The following SUGCT variants were observed in gnomAD, a reference collection of about 807,000 sequenced individuals.
The protein encoded by SUGCT is succinyl-CoA:glutarate CoA-transferase.
A neutral mutation model predicts 55.0 loss-of-function variants in SUGCT; 41 were observed. The ratio of observed to expected loss-of-function variants is 0.74; its 90% CI spans 0.58 to 0.97. SUGCT has a LOEUF of 0.97. Ranked by LOEUF, SUGCT falls within the 50% of genes least tolerant of loss-of-function variation. SUGCT has a pLI of 0.00. For missense variants in SUGCT, 568 were observed against 547.8 expected (o/e 1.04, Z -0.37); for synonymous variants, 187 against 200.4 (o/e 0.93, Z 0.56).
intron 9 of SUGCT, among the ~76,000 whole-genome samples, chr7:40,417,290 G>C (rs558923982): frequency 2.0e-4 from 31 of 151,784 alleles, no homozygotes; most frequent in African/African-American, 7.5e-4. Context: ...TTTTAAAAAT[G>C]TTTACTTGGT....
the SUGCT span, among the ~76,000 whole-genome samples, chr7:40,903,799 A>C: frequency 6.6e-6 from 1 of 152,110 alleles, no homozygotes; most frequent in South Asian, 2.1e-4. Flanking sequence ...ACCAAAAAGA[A>C]AGATTGCTAT....
At chr7:40,591,424 T>C (rs1797711285) in intron 12 of SUGCT, among the ~76,000 whole-genome samples, 1 of 152,180 alleles carries the variant, frequency 6.6e-6, no homozygotes, top group South Asian at 2.1e-4. Flanking sequence ...AAGCAATTTA[T>C]TGAGATGGAA....
intron 9 of SUGCT, among the ~76,000 whole-genome samples, chr7:40,439,669 T>G (rs1411749045): frequency 2.0e-5 from 3 of 152,156 alleles, no homozygotes; most frequent in African/African-American, 7.2e-5. Context: ...TTCTCATAAC[T>G]CCCCAATCTT....
chr7:40,259,784 G>T (rs1456469212), intron 7 of SUGCT, among the ~76,000 whole-genome samples: 1 of 152,016 alleles, frequency 6.6e-6, no homozygotes, highest in Admixed American at 6.5e-5. Context: ...TTCTCTAATT[G>T]CATCTTTTGT....
chr7:40,202,613 G>A (rs958613613), intron 6 of SUGCT, among the ~76,000 whole-genome samples: 3 of 152,146 alleles, frequency 2.0e-5, no homozygotes, highest in African/African-American at 7.2e-5. Context: ...GGTGCAATAA[G>A]GGTATGACTT....
chr7:40,544,234 T>C (rs1794866641), intron 12 of SUGCT, among the ~76,000 whole-genome samples: 1 of 151,920 alleles, frequency 6.6e-6, no homozygotes. Context: ...AGGAGATACT[T>C]CCTTTTTCCT....
At chr7:40,272,664 AT>A (rs1187514804) in intron 7 of SUGCT, among the ~76,000 whole-genome samples, 33 of 133,504 alleles carry the variant, frequency 2.5e-4, no homozygotes, top group Admixed American at 3.2e-4. Flanking sequence ...TATTATTATT[AT>A]TTTTTTTTTT....
Position 40,361,532 on chromosome 7 carries a change from C to T in SUGCT, c.816+44677C>T, listed in dbSNP as rs201242093. On this transcript the variant is annotated intron_variant, in intron 9 of 13. Transcript: ENST00000335693. ...GAGCTTGCAGTGAACTGAGATTGTG[C>T]CACTGCACTCCAGCCTGGGCGACAC... Among the ~76,000 whole-genome samples, 3 of 151,602 alleles carry T rather than the reference C, an allele frequency of 2.0e-5. No homozygotes were observed. In the East Asian group the frequency reaches 5.8e-4, roughly 29 times the overall value.
chr7:40,994,407 C>T, the SUGCT span, among the ~76,000 whole-genome samples: 2 of 130,016 alleles, frequency 1.5e-5, no homozygotes. Flanking sequence ...GTCACCCCCC[C>T]ATTTTGGAAG....
chr7:40,624,404 T>A (rs1799418389), intron 12 of SUGCT, among the ~76,000 whole-genome samples: 1 of 152,264 alleles, frequency 6.6e-6, no homozygotes, highest in African/African-American at 2.4e-5. Context: ...TAGTCCTTTT[T>A]ACAGTACTTA....
At chr7:40,247,978 G>T (rs1790018431) in intron 7 of SUGCT, among the ~76,000 whole-genome samples, 1 of 150,246 alleles carries the variant, frequency 6.7e-6, no homozygotes, top group East Asian at 1.9e-4. Context: ...CTTCTAGAAG[G>T]TTTATAGTTG....
chr7:40,616,143 T>C (rs1798991835), intron 12 of SUGCT, among the ~76,000 whole-genome samples: 1 of 152,206 alleles, frequency 6.6e-6, no homozygotes, highest in African/African-American at 2.4e-5. Context: ...TGTATTTACA[T>C]GTGTTTTCTT....
intron 12 of SUGCT, among the ~76,000 whole-genome samples, chr7:40,581,163 G>C (rs1797068326): frequency 6.6e-6 from 1 of 152,196 alleles, no homozygotes; most frequent in South Asian, 2.1e-4. Flanking sequence ...ACCAGGTACT[G>C]TGATAGGCAC....
chr7:40,893,492 T>G, the SUGCT span, among the ~76,000 whole-genome samples: 6 of 152,170 alleles, frequency 3.9e-5, no homozygotes. Context: ...CCAAGTATCT[T>G]TTCTGACCAC....
intron 13 of SUGCT, among the ~76,000 whole-genome samples, chr7:40,768,376 T>C (rs1002015045): frequency 2.6e-5 from 4 of 152,112 alleles, no homozygotes; most frequent in African/African-American, 9.7e-5. Flanking sequence ...GAGTCCTCAA[T>C]GGCACCATGG....
chr7:40,846,374 GAAA>G (rs3052686), intron 13 of SUGCT, among the ~76,000 whole-genome samples: 31,839 of 141,334 alleles, frequency 0.23, 4,527 homozygotes, highest in East Asian at 0.8. Flanking sequence ...ACTAGTGTTG[GAAA>G]AAAAAAAAAA....
At chr7:40,854,411 C>G (rs1563050525) in intron 13 of SUGCT, among the ~76,000 whole-genome samples, 1 of 70,274 alleles carries the variant, frequency 1.4e-5, no homozygotes, top group East Asian at 2.0e-3. Flanking sequence ...TTCTTTCTTT[C>G]TTTCTTTCCT....
At position 40,855,279 on chromosome 7, in the gene SUGCT, AAAG is replaced by A. The variant is rs201673689; in HGVS notation, c.1154-5034_1154-5032del. Reference sequence around the variant, plus strand: ...TGAAAAATTTCTCCTCAAAAAAAAAAAAGAAAAGAAAAGAAAAGAAAAATTTAT... The same window carrying A: ...TGAAAAATTTCTCCTCAAAAAAAAAAAAAAGAAAAGAAAAGAAAAATTTAT... On this transcript the variant is annotated intron_variant, in intron 13 of 13. Coordinates refer to ENST00000335693, the MANE Select transcript of SUGCT (RefSeq NM_001193313.2). Among the ~76,000 whole-genome samples the A allele has an allele frequency of 3.3e-3, 505 of 151,294 alleles. 1 individual carries two copies. Among genetic ancestry groups the A allele is most frequent in the African/African-American group, 0.011 (473 of 41,332 alleles).
At chr7:40,242,926 TATATA>T (rs1231929676) in intron 7 of SUGCT, among the ~76,000 whole-genome samples, 4 of 33,684 alleles carry the variant, frequency 1.2e-4, no homozygotes, top group African/African-American at 2.2e-4. Flanking sequence ...TATATATATA[TATATA>T]TATTTTTTTT....
Sources: allele counts gnomAD v4.1 joint callset (sites outside exome capture counted in the v4.1 genomes callset), GRCh38; gene constraint gnomAD v4.1.1; transcripts MANE v1.5; gene names NCBI Gene and HGNC (gene_info 2026-07-23, HGNC 2026-07-21).